The following MEI4 variants were observed in gnomAD, a reference collection of about 807,000 sequenced individuals.
MEI4 encodes the protein meiosis-specific protein MEI4.
In MEI4, 27 loss-of-function variants were observed where a neutral mutation model predicts 31.4. The ratio of observed to expected loss-of-function variants is 0.86; its 90% CI spans 0.63 to 1.19. The LOEUF (loss-of-function observed/expected upper bound fraction) is 1.19. Ranked by LOEUF, MEI4 falls within the 50% of genes most tolerant of loss-of-function variation. The pLI is 0.00. For synonymous variants in MEI4, 122 were observed against 145.4 expected (o/e 0.84, Z 1.16); for missense variants, 329 against 398.9 (o/e 0.82, Z 1.49).
At chr6:77,711,565 G>T (rs992236492) in intron 2 of MEI4, among the ~76,000 whole-genome samples, 1 of 152,148 alleles carries the variant, frequency 6.6e-6, no homozygotes, top group Non-Finnish European at 1.5e-5. Context: ...AATGGTGAGG[G>T]TGTAGTGGTT....
At chr6:77,685,672 G>C (rs1265590267) in intron 1 of MEI4, among the ~76,000 whole-genome samples, 1 of 151,968 alleles carries the variant, frequency 6.6e-6, no homozygotes, top group Non-Finnish European at 1.5e-5. Context: ...TAGTTTTATG[G>C]TTTCATGTTA....
intron 3 of MEI4, among the ~76,000 whole-genome samples, chr6:77,771,076 T>G (rs763487175): frequency 3.3e-5 from 5 of 152,036 alleles, no homozygotes; most frequent in Admixed American, 2.6e-4. Flanking sequence ...ATAAGGAACT[T>G]AAACAAATTT....
chr6:77,688,665 A>C (rs1396475120), intron 1 of MEI4, among the ~76,000 whole-genome samples: 1 of 152,042 alleles, frequency 6.6e-6, no homozygotes, highest in African/African-American at 2.4e-5. Flanking sequence ...CTGTTTTTCT[A>C]GTTTTTTCTT....
At chr6:77,704,497 T>A (rs1228437790) in intron 2 of MEI4, among the ~76,000 whole-genome samples, 1 of 152,220 alleles carries the variant, frequency 6.6e-6, no homozygotes, top group Non-Finnish European at 1.5e-5. Flanking sequence ...TTTAGTACTT[T>A]AAGGTGGTTC....
At chr6:77,805,985 C>T (rs568910879) in intron 3 of MEI4, among the ~76,000 whole-genome samples, 1 of 152,010 alleles carries the variant, frequency 6.6e-6, no homozygotes, top group East Asian at 1.9e-4. Context: ...ATATTTCTTC[C>T]TAAGAGAAGA....
chr6:77,754,411 C>A (rs1345888091), intron 2 of MEI4, among the ~76,000 whole-genome samples: 3 of 152,118 alleles, frequency 2.0e-5, no homozygotes, highest in Non-Finnish European at 4.4e-5. Context: ...CACCTGAGAC[C>A]ACCTCAGCCT....
At chr6:77,659,583 G>A (rs1292702833) in intron 1 of MEI4, among the ~76,000 whole-genome samples, 1 of 152,120 alleles carries the variant, frequency 6.6e-6, no homozygotes, top group African/African-American at 2.4e-5. Context: ...TGTTATTTTT[G>A]GGGCTGGGTA....
chr6:77,857,640 G>C (rs1031732302), intron 4 of MEI4, among the ~76,000 whole-genome samples: 1 of 151,978 alleles, frequency 6.6e-6, no homozygotes, highest in African/African-American at 2.4e-5. Flanking sequence ...AAATCACTGG[G>C]GCCACTTTGA....
At chr6:77,742,864 T>G (rs548526047) in intron 2 of MEI4, among the ~76,000 whole-genome samples, 4 of 152,180 alleles carry the variant, frequency 2.6e-5, no homozygotes, top group Non-Finnish European at 4.4e-5. Flanking sequence ...CCAGCACCAT[T>G]TATTAAATAG....
chr6:77,831,697 G>A (rs1363174659), intron 4 of MEI4, among the ~76,000 whole-genome samples: 2 of 151,830 alleles, frequency 1.3e-5, no homozygotes, highest in Non-Finnish European at 1.5e-5. Flanking sequence ...TTTGTGGTGG[G>A]AGCTAAAGAC....
At chr6:77,801,122 T>A (rs530567835) in intron 3 of MEI4, among the ~76,000 whole-genome samples, 1 of 152,210 alleles carries the variant, frequency 6.6e-6, no homozygotes, top group Non-Finnish European at 1.5e-5. Flanking sequence ...CATGTGGTCC[T>A]GGACTTTTGT....
intron 3 of MEI4, among the ~76,000 whole-genome samples, chr6:77,799,358 A>T (rs973570066): frequency 6.6e-6 from 1 of 151,760 alleles, no homozygotes; most frequent in African/African-American, 2.4e-5. Flanking sequence ...TTTTCTTCTA[A>T]ATTTGTTTGA....
chr6:77,769,342 G>C (rs1162661976), intron 3 of MEI4, among the ~76,000 whole-genome samples: 1 of 152,128 alleles, frequency 6.6e-6, no homozygotes, highest in African/African-American at 2.4e-5. Flanking sequence ...ATCCATCCTA[G>C]CAATTGGAAC....
At chr6:77,732,273 T>C (rs1457926124) in intron 2 of MEI4, among the ~76,000 whole-genome samples, 1 of 152,032 alleles carries the variant, frequency 6.6e-6, no homozygotes, top group African/African-American at 2.4e-5. Context: ...TGGAATGTTC[T>C]TCCATTTGTT....
intron 4 of MEI4, among the ~76,000 whole-genome samples, chr6:77,840,300 C>G (rs1290994024): frequency 6.6e-6 from 1 of 152,050 alleles, no homozygotes; most frequent in Non-Finnish European, 1.5e-5. Flanking sequence ...TTGAAATGAT[C>G]TAATCTTAAG....
intron 3 of MEI4, among the ~76,000 whole-genome samples, chr6:77,772,328 T>A (rs562452762): frequency 6.6e-6 from 1 of 150,522 alleles, no homozygotes; most frequent in South Asian, 2.1e-4. Flanking sequence ...AACAAAAATC[T>A]AGCAAACCAA....
chr6:77,733,652 T>C (rs1420775795), intron 2 of MEI4, among the ~76,000 whole-genome samples: 2 of 152,010 alleles, frequency 1.3e-5, no homozygotes, highest in Admixed American at 6.5e-5. Flanking sequence ...ATTTTAGTTA[T>C]TTCTTGCCTT....
At chr6:77,768,881 T>C (rs1561981513) in intron 3 of MEI4, among the ~76,000 whole-genome samples, 1 of 152,124 alleles carries the variant, frequency 6.6e-6, no homozygotes, top group Non-Finnish European at 1.5e-5. Flanking sequence ...ATATAAGTTA[T>C]ATGGTTTTGC....
At chr6:77,650,925 A>G (rs1166875240), upstream of MEI4, among the ~76,000 whole-genome samples, 1 of 152,136 alleles carries the variant, frequency 6.6e-6, no homozygotes, top group East Asian at 1.9e-4. Context: ...GGAGTTGTCA[A>G]ATCTATTCAG....
Sources: allele counts gnomAD v4.1 joint callset (sites outside exome capture counted in the v4.1 genomes callset), GRCh38; gene constraint gnomAD v4.1.1; transcripts MANE v1.5; gene names NCBI Gene and HGNC (gene_info 2026-07-23, HGNC 2026-07-21).